The following CDH4 variants were observed in gnomAD, a reference collection of about 807,000 sequenced individuals.
CDH4 encodes the protein cadherin 4.
In CDH4, 33 loss-of-function variants were observed where a neutral mutation model predicts 86.0. That is an observed-to-expected ratio of 0.38 (90% confidence interval 0.29 to 0.51). CDH4 has a LOEUF of 0.51. CDH4 is among the 20% of genes least tolerant of loss of function. CDH4 has a pLI of 0.86. For missense variants in CDH4, 1,114 were observed against 1,307.4 expected (o/e 0.85, Z 2.28); for synonymous variants, 555 against 549.4 (o/e 1.01, Z -0.14).
intron 2 of CDH4, among the ~76,000 whole-genome samples, chr20:61,358,678 TCA>T: frequency 6.6e-6 from 1 of 152,330 alleles, no homozygotes; most frequent in Non-Finnish European, 1.5e-5. Context: ...ATTGCAAACC[TCA>T]CATTTGTCTT....
At chr20:61,880,109 A>G (rs941888565) in intron 7 of CDH4, among the ~76,000 whole-genome samples, 5 of 152,226 alleles carry the variant, frequency 3.3e-5, no homozygotes, top group Admixed American at 6.5e-5. Context: ...TCTCACCACC[A>G]TCGACTTTAG....
intron 4 of CDH4, among the ~76,000 whole-genome samples, chr20:61,825,710 TCCCACCTG>T (rs1316445723): frequency 6.6e-6 from 1 of 152,184 alleles, no homozygotes; most frequent in African/African-American, 2.4e-5. Flanking sequence ...CAGAGCTGTC[TCCCACCTG>T]CCATGCTCCA....
At chr20:61,586,619 T>A (rs2086477936) in intron 2 of CDH4, among the ~76,000 whole-genome samples, 1 of 152,180 alleles carries the variant, frequency 6.6e-6, no homozygotes, top group Non-Finnish European at 1.5e-5. Context: ...CTTCATTTGA[T>A]CCTTTTGTAG....
intron 2 of CDH4, among the ~76,000 whole-genome samples, chr20:61,735,941 G>A (rs567713915): frequency 5.3e-5 from 8 of 152,264 alleles, no homozygotes; most frequent in Non-Finnish European, 1.0e-4. Context: ...CTCAGCTCCC[G>A]AGTTGTTTGC....
chr20:61,625,506 A>C (rs1358812855), intron 2 of CDH4, among the ~76,000 whole-genome samples: 1 of 152,172 alleles, frequency 6.6e-6, no homozygotes, highest in African/African-American at 2.4e-5. Flanking sequence ...ACACAGGGCT[A>C]TATTAGGGTC....
chr20:61,565,362 G>GCTC lies in CDH4; in HGVS notation c.170-178201_170-178200insCTC, dbSNP rs1214126374. Reference sequence around the variant, plus strand: ...GTAGTGGTCCTCTTGGTGATGGGGTGATGGTGGTGGTGGTCCTCTTGGTGA... The same window carrying GCTC: ...GTAGTGGTCCTCTTGGTGATGGGGTGCTCATGGTGGTGGTGGTCCTCTTGGTGA... On this transcript the variant is annotated intron_variant, in intron 2 of 15. Transcript: ENST00000614565. Among the ~76,000 whole-genome samples the GCTC allele has an allele frequency of 3.0e-3, 155 of 52,468 alleles. 34 individuals are homozygous for GCTC. Among genetic ancestry groups the GCTC allele is most frequent in the Non-Finnish European group, 2.7e-3 (74 of 27,026 alleles). 34.4% of individuals were successfully genotyped at this position (52,468 alleles called of 152,430 possible).
chr20:61,470,431 T>C (rs1420273879), intron 2 of CDH4, among the ~76,000 whole-genome samples: 1 of 152,176 alleles, frequency 6.6e-6, no homozygotes, highest in Non-Finnish European at 1.5e-5. Context: ...TTGTAATCAT[T>C]TTTTGTTGGA....
At chr20:61,927,678 C>T (rs923347792) in intron 11 of CDH4, among the ~76,000 whole-genome samples, 35 of 152,218 alleles carry the variant, frequency 2.3e-4, no homozygotes, top group Non-Finnish European at 1.5e-5. Flanking sequence ...TGGGCGGATC[C>T]CAGCCCTCAG....
chr20:61,819,535 A>C (rs1472066770), intron 4 of CDH4, among the ~76,000 whole-genome samples: 10 of 152,240 alleles, frequency 6.6e-5, no homozygotes, highest in Non-Finnish European at 5.9e-5. Flanking sequence ...GCCGGGCTGC[A>C]GCCCAGCACC....
intron 2 of CDH4, among the ~76,000 whole-genome samples, chr20:61,661,617 C>T (rs1393914622): frequency 6.6e-6 from 1 of 152,040 alleles, no homozygotes; most frequent in East Asian, 1.9e-4. Context: ...TCCCAATTAA[C>T]CCAGGATTAA....
At position 61,653,705 on chromosome 20, in the gene CDH4, C is replaced by T. The variant is rs1332571220; in HGVS notation, c.170-89858C>T. 1.8e-3 allele frequency among the ~76,000 whole-genome samples: 196 copies of T among 110,432 alleles called. 1 individual carries two copies. The highest frequency in any genetic ancestry group is 2.9e-3 in the Admixed American group (33 of 11,438). The allele number at this position is 110,432 out of a possible 152,430, so 72.4% of individuals were successfully genotyped here. A position where few individuals can be genotyped will look rare whatever the true frequency, so the allele number is the denominator to read the frequency against. On this transcript the variant is annotated intron_variant, in intron 2 of 15. Transcript: ENST00000614565. ...GCAGAGACGCTCCTCACCTCCCAGA[C>T]GGGGTCGCAGCCGGGCAGAGGCGCT...
intron 2 of CDH4, among the ~76,000 whole-genome samples, chr20:61,714,692 GAA>G (rs1286621957): frequency 6.6e-6 from 1 of 152,132 alleles, no homozygotes; most frequent in Non-Finnish European, 1.5e-5. Flanking sequence ...ACTTCACTTA[GAA>G]TAATGGCCTC....
chr20:61,544,096 C>T lies in CDH4; in HGVS notation c.170-199467C>T, dbSNP rs1340458148. Among the ~76,000 whole-genome samples the T allele has an allele frequency of 1.3e-5, 2 of 152,170 alleles. No homozygotes were observed. Among genetic ancestry groups the T allele is most frequent in the Non-Finnish European group, 2.9e-5 (2 of 68,032 alleles). ...GGTCCTTGGAGGCTGCCCCACGCCC[C>T]CTGGCCCCACACCTGCCTCTTGGCA... On this transcript the variant is annotated intron_variant, in intron 2 of 15. Transcript: ENST00000614565. The surrounding 1 kb of genome is among the most constrained non-coding windows in gnomAD (Gnocchi z 6.5).
intron 2 of CDH4, among the ~76,000 whole-genome samples, chr20:61,337,779 T>A (rs567668874): frequency 3.5e-4 from 54 of 152,260 alleles, no homozygotes; most frequent in Middle Eastern, 3.4e-3. Context: ...TCTCCTTTAG[T>A]ATGTGTGCTT....
chr20:61,512,985 A>G (rs893956155), intron 2 of CDH4, among the ~76,000 whole-genome samples: 2 of 152,214 alleles, frequency 1.3e-5, no homozygotes, highest in African/African-American at 4.8e-5. Flanking sequence ...GCCCCCGTAG[A>G]GTTTTGTTTT....
In CDH4 at chr20:61,910,445, C is replaced by T; in HGVS notation, c.1212C>T (p.Asn404=). ...AGTTTGCAGGGGAGGTCCCCGAAAACCGCGTGGAGACCGTGGTCGCAAACC... is the reference window on the plus strand; with the variant it reads ...AGTTTGCAGGGGAGGTCCCCGAAAATCGCGTGGAGACCGTGGTCGCAAACC... ...ASTFAGEVPE[N]RVETVVANLT... is the part of the protein sequence containing the mutation. Residue 404 remains asparagine (N), a synonymous_variant, in exon 9 of 16, where the codon AAC becomes AAT. Transcript: ENST00000614565. 1.2e-6 allele frequency: 2 copies of T among 1,613,764 alleles called. No individual in the cohort carries two copies. The highest frequency in any genetic ancestry group is 2.2e-5 in the South Asian group (2 of 91,088).
chr20:61,264,978 T>C (rs1361700604), intron 2 of CDH4, among the ~76,000 whole-genome samples: 1 of 148,590 alleles, frequency 6.7e-6, no homozygotes, highest in Non-Finnish European at 1.5e-5. Flanking sequence ...CATTCAGTCC[T>C]ACACATACCT....
chr20:61,644,303 C>T (rs2087039155), intron 2 of CDH4, among the ~76,000 whole-genome samples: 2 of 152,198 alleles, frequency 1.3e-5, no homozygotes, highest in Non-Finnish European at 1.5e-5. Flanking sequence ...TTTTAATCAT[C>T]GGAGCACTCC....
chr20:61,353,681 TCCCC>T (rs1568810389), intron 2 of CDH4, among the ~76,000 whole-genome samples: 1 of 25,986 alleles, frequency 3.8e-5, no homozygotes, highest in Non-Finnish European at 6.9e-5. Context: ...CCCCTCCTCC[TCCCC>T]CTCCTCCTCC....
Sources: gnomAD v4.1 joint callset for allele counts (sites outside exome capture counted in the v4.1 genomes callset) on GRCh38, gnomAD v4.1.1 for gene constraint, Gnocchi (gnomAD v3.1) non-coding constraint, MANE v1.5 for transcripts, NCBI Gene and HGNC (gene_info 2026-07-23, HGNC 2026-07-21) for gene names.